The following PM20D2 variants were observed in gnomAD, a reference collection of about 807,000 sequenced individuals.
The protein encoded by PM20D2 is xaa-Arg dipeptidase.
PM20D2 carries 33 observed loss-of-function variants against 42.9 expected under a neutral mutation model. The ratio of observed to expected loss-of-function variants is 0.77; its 90% CI spans 0.58 to 1.03. PM20D2 has a LOEUF of 1.03. Among genes scored for constraint, PM20D2 ranks in the 50% least tolerant of loss-of-function variants. The probability of loss-of-function intolerance (pLI) is 0.00; values close to 1 mark genes in which losing one functional copy is unlikely to be tolerated. For missense variants in PM20D2, 548 were observed against 557.0 expected (o/e 0.98, Z 0.16); for synonymous variants, 250 against 228.2 (o/e 1.10, Z -0.86).
the PM20D2 span, among the ~76,000 whole-genome samples, chr6:89,099,426 G>GTGTATATATATACACATATATATGTATA: frequency 2.1e-5 from 3 of 140,226 alleles, no homozygotes; most frequent in Admixed American, 7.0e-5. Context: ...ATATATATAT[G>GTGTATATATATACACATATATATGTATA]TGTGTATATA....
chr6:89,136,688 A>T, the PM20D2 span, among the ~76,000 whole-genome samples: 1 of 151,052 alleles, frequency 6.6e-6, no homozygotes, highest in Non-Finnish European at 1.5e-5. Flanking sequence ...AAAAAAAAAA[A>T]TTTCTAACCA....
At chr6:89,095,919 AATAAAT>A in the PM20D2 span, 3 of 152,210 alleles carry the variant, frequency 2.0e-5, no homozygotes, top group Non-Finnish European at 4.4e-5. Flanking sequence ...GAAGTACTTA[AATAAAT>A]ATAGTCTCTT....
At position 89,162,913 on chromosome 6, in the gene PM20D2, T is replaced by C. The variant is rs1771293751; in HGVS notation, c.*650T>C. 1 of 152,340 alleles carries C rather than the reference T, an allele frequency of 6.6e-6. No homozygotes were observed. Among genetic ancestry groups the C allele is most frequent in the African/African-American group, 2.4e-5 (1 of 41,438 alleles). 9.4% of individuals were successfully genotyped at this position (152,340 alleles called of 1,614,324 possible). On this transcript the variant is annotated 3_prime_UTR_variant, in exon 7 of 7. Coordinates refer to ENST00000275072, the MANE Select transcript of PM20D2 (RefSeq NM_001010853.3). ...TACCAAGTAGCTGGGATTACAGGTG[T>C]GTGGCACCATGCCCAGCTAATTTTT...
the PM20D2 span, chr6:89,107,088 GA>G: frequency 2.3e-6 from 3 of 1,314,768 alleles, no homozygotes; most frequent in South Asian, 3.5e-5. Context: ...ATATGCTACT[GA>G]ATACATATAT....
the PM20D2 span, among the ~76,000 whole-genome samples, chr6:89,100,896 G>T: frequency 1.3e-5 from 2 of 152,106 alleles, no homozygotes; most frequent in African/African-American, 4.8e-5. Flanking sequence ...CCTGAGGTCA[G>T]GAGTTCAAGA....
chr6:89,137,222 A>G, the PM20D2 span, among the ~76,000 whole-genome samples: 2 of 152,184 alleles, frequency 1.3e-5, no homozygotes, highest in African/African-American at 4.8e-5. Context: ...CACAAGAAGC[A>G]CTTTATAGAA....
chr6:89,162,115 A>G lies in PM20D2; in HGVS notation c.1163A>G (p.Gln388Arg), dbSNP rs921375076. The G allele has an allele frequency of 2.5e-6, 4 of 1,604,160 alleles. No homozygotes were observed. Among genetic ancestry groups the G allele is most frequent in the Non-Finnish European group, 2.5e-6 (3 of 1,177,424 alleles). The change falls in exon 7 of 7, where the codon CAG becomes CGG. Residue 388 changes from glutamine (Q) to arginine (R), a missense_variant. By Grantham distance (43) the Gln-to-Arg change is conservative. Coordinates refer to ENST00000275072, the MANE Select transcript of PM20D2 (RefSeq NM_001010853.3). ...TATTTTCTCTACCTTTTAGGGTCAC[A>G]GGAAGCTCAGTTCTACACTCTGCGG... ...TEQYTEAAGSQEAQFYTLRTA... is the reference protein window; with the variant it reads ...TEQYTEAAGSREAQFYTLRTA...
the PM20D2 span, among the ~76,000 whole-genome samples, chr6:89,128,638 C>G: frequency 6.6e-6 from 1 of 152,124 alleles, no homozygotes; most frequent in Non-Finnish European, 1.5e-5. Flanking sequence ...ACTCTCTGTT[C>G]TTACACCCCC....
the PM20D2 span, among the ~76,000 whole-genome samples, chr6:89,108,378 C>T: frequency 6.6e-6 from 1 of 152,190 alleles, no homozygotes; most frequent in Admixed American, 6.5e-5. Context: ...GACAGAATTT[C>T]AGGTTATTTA....
the PM20D2 span, chr6:89,117,748 C>A: frequency 1.4e-6 from 2 of 1,428,970 alleles, no homozygotes; most frequent in Non-Finnish European, 1.8e-6. Flanking sequence ...TCCGCCGGGC[C>A]TCGGCCGTGC....
chr6:89,145,800 T>G (rs1458983261), upstream of PM20D2, among the ~76,000 whole-genome samples: 2 of 152,232 alleles, frequency 1.3e-5, no homozygotes, highest in East Asian at 3.8e-4. Flanking sequence ...CTCATTCTGC[T>G]GCTGTGGGAA....
intron 1 of PM20D2, 100 bp from the exon 2 acceptor site, chr6:89,149,165 G>A (rs981713592): frequency 1.9e-5 from 27 of 1,405,960 alleles, no homozygotes; most frequent in African/African-American, 2.9e-5. Context: ...ATAGGTTAAG[G>A]ACTTTAATGT....
the PM20D2 span, among the ~76,000 whole-genome samples, chr6:89,100,691 CGT>C: frequency 6.6e-6 from 1 of 152,066 alleles, no homozygotes; most frequent in Non-Finnish European, 1.5e-5. Context: ...ATAAAAAGAT[CGT>C]TCAGTGGAAA....
rs148473311 is a variant in PM20D2, at chr6:89,157,938, C to G, written c.913-387C>G. 2.9e-3 allele frequency among the ~76,000 whole-genome samples: 441 copies of G among 152,238 alleles called. 3 individuals are homozygous for G. Among genetic ancestry groups the G allele is most frequent in the African/African-American group, 0.01 (427 of 41,550 alleles). On this transcript the variant is annotated intron_variant, in intron 4 of 6. Transcript: ENST00000275072. ...AGGAGAATCATTTGAACCTGGGAGG[C>G]GGAGGTTGTGGTGAGCTGAGATCAC...
the PM20D2 span, among the ~76,000 whole-genome samples, chr6:89,114,364 G>A: frequency 6.6e-6 from 1 of 152,178 alleles, no homozygotes; most frequent in African/African-American, 2.4e-5. Context: ...GGAGGCGGAG[G>A]TTGCAGTGAG....
At chr6:89,159,384 C>G (rs1771159029) in intron 5 of PM20D2, among the ~76,000 whole-genome samples, 2 of 152,148 alleles carry the variant, frequency 1.3e-5, no homozygotes, top group South Asian at 4.1e-4. Context: ...AGGCATAAAT[C>G]ATGTCAAGTG....
intron 1 of PM20D2, chr6:89,148,547 G>A (rs930852727): frequency 1.0e-6 from 1 of 983,900 alleles, no homozygotes; most frequent in Non-Finnish European, 1.2e-6. Context: ...CAATAAATCT[G>A]CCTGGTTGAA....
chr6:89,116,733 C>CCAT, the PM20D2 span, among the ~76,000 whole-genome samples: 1 of 150,978 alleles, frequency 6.6e-6, no homozygotes, highest in Non-Finnish European at 1.5e-5. Flanking sequence ...CAAGATCGGG[C>CCAT]CATTGTACTC....
At chr6:89,108,813 T>C in the PM20D2 span, among the ~76,000 whole-genome samples, 13 of 152,192 alleles carry the variant, frequency 8.5e-5, no homozygotes, top group Non-Finnish European at 1.5e-4. Flanking sequence ...TGTATTAATA[T>C]AATTATTAGA....
Sources: gnomAD v4.1 joint callset for allele counts (sites outside exome capture counted in the v4.1 genomes callset) on GRCh38, gnomAD v4.1.1 for gene constraint, MANE v1.5 for transcripts, NCBI Gene and HGNC (gene_info 2026-07-23, HGNC 2026-07-21) for gene names.